Variants in DLG2 observed in about 807,000 individuals in gnomAD.
The protein encoded by DLG2 is disks large homolog 2.
A neutral mutation model predicts 132.5 loss-of-function variants in DLG2; 45 were observed. The ratio of observed to expected loss-of-function variants is 0.34; its 90% CI spans 0.27 to 0.44. The LOEUF is 0.44. Ranked by LOEUF, DLG2 falls within the 20% of genes least tolerant of loss-of-function variation. The probability of loss-of-function intolerance (pLI) is 1.00; values close to 1 mark genes in which losing one functional copy is unlikely to be tolerated. For missense variants in DLG2, 1,045 were observed against 1,196.9 expected, an observed-to-expected ratio of 0.87 and a Z score of 1.87; for synonymous variants, 424 against 419.6, an observed-to-expected ratio of 1.01 and a Z score of -0.13.
intron 7 of DLG2, among the ~76,000 whole-genome samples, chr11:84,313,641 A>AAAAGAAAGAAAGAAAGAAAGAAAG (rs201928030): frequency 0.058 from 7,499 of 129,130 alleles, 291 homozygotes; most frequent in Non-Finnish European, 0.062. Flanking sequence ...GAAAGAGAGA[A>AAAAGAAAGAAAGAAAGAAAGAAAG]AAAGAAAGAA....
intron 7 of DLG2, among the ~76,000 whole-genome samples, chr11:84,471,598 C>G (rs921605256): frequency 6.6e-6 from 1 of 151,550 alleles, no homozygotes; most frequent in Non-Finnish European, 1.5e-5. Context: ...TCCGTAGCAG[C>G]AATTTTAAAT....
intron 18 of DLG2, among the ~76,000 whole-genome samples, chr11:83,672,318 G>A (rs186337938): frequency 3.0e-4 from 46 of 152,140 alleles, no homozygotes; most frequent in African/African-American, 1.0e-3. Flanking sequence ...CCAAGTGGTT[G>A]GGACTACAGG....
At chr11:85,144,225 A>G (rs2076686611) in intron 5 of DLG2, among the ~76,000 whole-genome samples, 1 of 151,726 alleles carries the variant, frequency 6.6e-6, no homozygotes, top group African/African-American at 2.4e-5. Context: ...AATTTATTCT[A>G]TCTGATATAG....
intron 19 of DLG2, among the ~76,000 whole-genome samples, chr11:83,542,150 A>C (rs1171227101): frequency 6.6e-6 from 1 of 152,180 alleles, no homozygotes. Context: ...GAAGATAAGA[A>C]AGGTACTTTA....
At chr11:83,850,764 C>T (rs7114484) in intron 16 of DLG2, among the ~76,000 whole-genome samples, 50,650 of 152,012 alleles carry the variant, frequency 0.33, 8,474 homozygotes, top group East Asian at 0.35. Context: ...AAGGTTTGGC[C>T]AGCAGCTACT....
intron 11 of DLG2, among the ~76,000 whole-genome samples, chr11:84,015,987 ACACTCC>A (rs1566049311): frequency 6.6e-6 from 1 of 152,114 alleles, no homozygotes; most frequent in African/African-American, 2.4e-5. Context: ...GAACTAATTT[ACACTCC>A]CACCAACAGT....
chr11:83,878,863 T>C (rs537641000), intron 15 of DLG2, among the ~76,000 whole-genome samples: 1 of 152,300 alleles, frequency 6.6e-6, no homozygotes, highest in South Asian at 2.1e-4. Context: ...AGGTACTAAA[T>C]TGGGCAACTG....
chr11:83,610,429 G>A (rs1464306537), intron 19 of DLG2, among the ~76,000 whole-genome samples: 2 of 152,138 alleles, frequency 1.3e-5, no homozygotes, highest in African/African-American at 2.4e-5. Flanking sequence ...GAGCAAAAGG[G>A]AAACAGTAAG....
intron 8 of DLG2, among the ~76,000 whole-genome samples, chr11:84,222,188 A>G (rs2096925479): frequency 1.3e-5 from 2 of 152,054 alleles, no homozygotes; most frequent in East Asian, 3.9e-4. Flanking sequence ...ATGTGCCACC[A>G]CACCTGGCTA....
chr11:83,566,952 C>T (rs556730596), intron 19 of DLG2, among the ~76,000 whole-genome samples: 1 of 152,204 alleles, frequency 6.6e-6, no homozygotes, highest in Non-Finnish European at 1.5e-5. Flanking sequence ...CTAGAAAGTA[C>T]ACAAATTTAT....
intron 5 of DLG2, among the ~76,000 whole-genome samples, chr11:85,136,899 C>T (rs1159994857): frequency 3.9e-5 from 6 of 151,994 alleles, no homozygotes; most frequent in East Asian, 1.9e-4. Flanking sequence ...ATAATCACAG[C>T]TCTAGTTATG....
chr11:84,491,800 T>C (rs2099165930), intron 7 of DLG2, among the ~76,000 whole-genome samples: 3 of 152,144 alleles, frequency 2.0e-5, no homozygotes, highest in Admixed American at 2.0e-4. Context: ...TACATTCCTC[T>C]CTAAAATGCT....
At chr11:84,794,225 T>C (rs780594482) in intron 6 of DLG2, among the ~76,000 whole-genome samples, 1 of 152,266 alleles carries the variant, frequency 6.6e-6, no homozygotes, top group Non-Finnish European at 1.5e-5. Flanking sequence ...AAGGTGAATA[T>C]AGTCAAGAAT....
chr11:85,282,418 T>C (rs1322964029), intron 4 of DLG2, among the ~76,000 whole-genome samples: 2 of 152,004 alleles, frequency 1.3e-5, no homozygotes, highest in Non-Finnish European at 2.9e-5. Context: ...CCAATTACCC[T>C]GATTTAACCA....
intron 3 of DLG2, among the ~76,000 whole-genome samples, chr11:85,505,907 G>A (rs2093920164): frequency 6.6e-6 from 1 of 152,106 alleles, no homozygotes; most frequent in African/African-American, 2.4e-5. Flanking sequence ...ACCTGTTTTT[G>A]GTCTATTCAG....
chr11:84,668,063 T>C (rs988924690), intron 6 of DLG2, among the ~76,000 whole-genome samples: 1 of 152,178 alleles, frequency 6.6e-6, no homozygotes, highest in African/African-American at 2.4e-5. Flanking sequence ...TATGAGAGTA[T>C]AAAAGTTAAC....
intron 6 of DLG2, among the ~76,000 whole-genome samples, chr11:84,864,561 C>CT (rs753299320): frequency 6.5e-4 from 99 of 152,130 alleles, no homozygotes; most frequent in Non-Finnish European, 1.1e-3. Flanking sequence ...CCACTGTATT[C>CT]TTTATAAGCT....
At chr11:84,722,256 G>A (rs2061920256) in intron 6 of DLG2, among the ~76,000 whole-genome samples, 1 of 152,026 alleles carries the variant, frequency 6.6e-6, no homozygotes, top group African/African-American at 2.4e-5. Context: ...TGAAATACAG[G>A]AACAACATAG....
chr11:84,699,470 C>T (rs2058976249), intron 6 of DLG2, among the ~76,000 whole-genome samples: 1 of 151,484 alleles, frequency 6.6e-6, no homozygotes, highest in Non-Finnish European at 1.5e-5. Flanking sequence ...AGGGGAAGAG[C>T]ATTCTGTCAC....
Sources: gnomAD v4.1 joint callset for allele counts (sites outside exome capture counted in the v4.1 genomes callset) on GRCh38, gnomAD v4.1.1 for gene constraint, MANE v1.5 for transcripts, NCBI Gene and HGNC (gene_info 2026-07-23, HGNC 2026-07-21) for gene names.